The following NTM variants were observed in gnomAD, a reference collection of about 807,000 sequenced individuals.
NTM encodes the protein IgLON family member 2.
NTM carries 13 observed loss-of-function variants against 42.1 expected under a neutral mutation model. That is an observed-to-expected ratio of 0.31 (90% CI 0.20 to 0.49). The LOEUF is 0.49. NTM is among the 20% of genes least tolerant of loss of function. NTM has a pLI of 0.99. For synonymous variants in NTM, 187 were observed against 179.2 expected (o/e 1.04, Z -0.35); for missense variants, 373 against 452.8 (o/e 0.82, Z 1.60).
chr11:131,633,604 CCT>C (rs2063901592), intron 1 of NTM, among the ~76,000 whole-genome samples: 1 of 68,578 alleles, frequency 1.5e-5, no homozygotes, highest in African/African-American at 5.4e-5. Flanking sequence ...TCACTCCCTC[CCT>C]CTCTCACTCT....
At chr11:131,428,880 C>CAAAAAAA (rs35312475) in intron 1 of NTM, among the ~76,000 whole-genome samples, 1,152 of 83,500 alleles carry the variant, frequency 0.014, no homozygotes, top group Non-Finnish European at 0.018. Context: ...ACTAAAAATA[C>CAAAAAAA]AAAAAAAAAA....
chr11:131,506,907 CA>C (rs1469002431), intron 1 of NTM, among the ~76,000 whole-genome samples: 1 of 152,174 alleles, frequency 6.6e-6, no homozygotes, highest in Non-Finnish European at 1.5e-5. Flanking sequence ...AAGGAAAATG[CA>C]ATACAGCCCA....
chr11:132,234,969 G>A (rs573592328), intron 4 of NTM, among the ~76,000 whole-genome samples: 2 of 152,304 alleles, frequency 1.3e-5, no homozygotes, highest in Non-Finnish European at 2.9e-5. Context: ...ATTAAATCAG[G>A]ACGGGCCTTT....
intron 2 of NTM, among the ~76,000 whole-genome samples, chr11:131,947,389 A>T (rs145250085): frequency 9.2e-5 from 14 of 152,116 alleles, no homozygotes; most frequent in South Asian, 6.2e-4. Flanking sequence ...CTGTGGAGTC[A>T]TCTACTCTAA....
chr11:131,866,411 A>C (rs1014487935), intron 1 of NTM, among the ~76,000 whole-genome samples: 1 of 152,266 alleles, frequency 6.6e-6, no homozygotes, highest in South Asian at 2.1e-4. Flanking sequence ...TTGGGGCCAG[A>C]AGCCTGGAAC....
At chr11:131,672,071 T>A (rs567475760) in intron 1 of NTM, among the ~76,000 whole-genome samples, 7 of 152,314 alleles carry the variant, frequency 4.6e-5, no homozygotes, top group African/African-American at 1.7e-4. Flanking sequence ...CTCTTTGTCT[T>A]TCTACACAAA....
At chr11:131,652,702 C>T (rs578166993) in intron 1 of NTM, among the ~76,000 whole-genome samples, 2 of 152,332 alleles carry the variant, frequency 1.3e-5, no homozygotes, top group South Asian at 2.1e-4. Flanking sequence ...ATGCCCTCCC[C>T]TGCCTGTTGG....
chr11:131,432,267 G>A (rs1198678716), intron 1 of NTM, among the ~76,000 whole-genome samples: 2 of 152,174 alleles, frequency 1.3e-5, no homozygotes, highest in South Asian at 2.1e-4. Flanking sequence ...AGTCCGTGAG[G>A]AAATGTCAGA....
At chr11:132,121,431 G>A (rs10894505) in intron 2 of NTM, among the ~76,000 whole-genome samples, 79,505 of 151,930 alleles carry the variant, frequency 0.52, 21,981 homozygotes, top group African/African-American at 0.69. Context: ...GTCAACAGAG[G>A]CGTGATGAAA....
rs2095835265 is a variant in NTM, at chr11:132,333,315, G to A, written c.968-1731G>A. ...GGAAGAATCTTGGAGTTGCCTAGAG[G>A]GGAAGGACTTACGCAGAGCAGAGAA... On this transcript the variant is annotated intron_variant, in intron 8 of 8. Coordinates refer to ENST00000683400, the MANE Select transcript of NTM (RefSeq NM_001352005.2). 2.0e-5 allele frequency among the ~76,000 whole-genome samples: 3 copies of A among 152,120 alleles called. 1 individual carries two copies. The South Asian group carries it at 6.2e-4, about 31-fold the overall frequency.
chr11:131,969,801 A>G (rs542430210), intron 2 of NTM, among the ~76,000 whole-genome samples: 1 of 152,334 alleles, frequency 6.6e-6, no homozygotes, highest in East Asian at 1.9e-4. Flanking sequence ...GTATAAAGAA[A>G]GAGCGATGAT....
intron 4 of NTM, among the ~76,000 whole-genome samples, chr11:132,254,765 G>T (rs1384613343): frequency 3.3e-5 from 5 of 152,176 alleles, no homozygotes; most frequent in African/African-American, 1.2e-4. Flanking sequence ...GGTTTGGATG[G>T]TTTCCAGTGA....
intron 2 of NTM, among the ~76,000 whole-genome samples, chr11:131,976,774 G>T (rs535093456): frequency 6.6e-6 from 1 of 152,316 alleles, no homozygotes; most frequent in South Asian, 2.1e-4. Context: ...AAACAAGAGG[G>T]TGAGTAGTAT....
At chr11:131,543,147 G>A (rs1350112585) in intron 1 of NTM, among the ~76,000 whole-genome samples, 1 of 152,174 alleles carries the variant, frequency 6.6e-6, no homozygotes, top group African/African-American at 2.4e-5. Context: ...CAGTTGAAAC[G>A]CTGCCATTTT....
At chr11:131,386,688 G>C (rs546090417) in intron 1 of NTM, among the ~76,000 whole-genome samples, 1 of 152,310 alleles carries the variant, frequency 6.6e-6, no homozygotes, top group South Asian at 2.1e-4. Flanking sequence ...CCTGCAGCCT[G>C]GTTTTTCCAA....
chr11:131,508,881 G>A (rs1007328203), intron 1 of NTM, among the ~76,000 whole-genome samples: 2 of 142,622 alleles, frequency 1.4e-5, no homozygotes, highest in African/African-American at 5.3e-5. Context: ...TCTGGGGACT[G>A]TTGTGGGGTT....
At chr11:131,802,811 T>G (rs1428144492) in intron 1 of NTM, among the ~76,000 whole-genome samples, 5 of 152,218 alleles carry the variant, frequency 3.3e-5, no homozygotes, top group African/African-American at 9.6e-5. Flanking sequence ...CTCAGTGTTA[T>G]TTTCCCCCAC....
rs1555127949 is a variant in NTM at position 131,789,636 on chromosome 11, A to AGAAGAAGAGGAAGAAGAAG, written c.83-121928_83-121927insGAAGAAGAGGAAGAAGAAG. Reference sequence around the variant, plus strand: ...AAGAAGAAGAAGAAGAAGAAGAAGAAAAGAAGAAGAAGAAGAAGAAGAAGA... The same window carrying AGAAGAAGAGGAAGAAGAAG: ...AAGAAGAAGAAGAAGAAGAAGAAGAAGAAGAAGAGGAAGAAGAAGAAGAAGAAGAAGAAGAAGAAGAAGA... On this transcript the variant is annotated intron_variant, in intron 1 of 8. Transcript: ENST00000683400. Among the ~76,000 whole-genome samples the AGAAGAAGAGGAAGAAGAAG allele has an allele frequency of 6.5e-5, 2 of 30,900 alleles. 1 individual carries two copies. Among genetic ancestry groups the AGAAGAAGAGGAAGAAGAAG allele is most frequent in the African/African-American group, 2.4e-4 (2 of 8,276 alleles). The allele number at this position is 30,900 out of a possible 152,430, so 20.3% of individuals were successfully genotyped here.
intron 2 of NTM, among the ~76,000 whole-genome samples, chr11:131,945,217 A>G (rs1399685125): frequency 6.6e-6 from 1 of 152,180 alleles, no homozygotes; most frequent in East Asian, 1.9e-4. Flanking sequence ...GTCTTTCCCT[A>G]TTTCCTTAGC....
Sources: gnomAD v4.1 joint callset for allele counts (sites outside exome capture counted in the v4.1 genomes callset) on GRCh38, gnomAD v4.1.1 for gene constraint, MANE v1.5 for transcripts, NCBI Gene and HGNC (gene_info 2026-07-23, HGNC 2026-07-21) for gene names.